The following NTM variants were observed in gnomAD, a reference collection of about 807,000 sequenced individuals.
NTM encodes the protein IgLON family member 2.
NTM carries 13 observed loss-of-function variants against 42.1 expected under a neutral mutation model. The ratio of observed to expected loss-of-function variants is 0.31; its 90% CI spans 0.20 to 0.49. The LOEUF is 0.49. Among genes scored for constraint, NTM ranks in the 20% least tolerant of loss-of-function variants. The pLI is 0.99. For missense variants in NTM, 373 were observed against 452.8 expected, an observed-to-expected ratio of 0.82 and a Z score of 1.60; for synonymous variants, 187 against 179.2, an observed-to-expected ratio of 1.04 and a Z score of -0.35.
intron 1 of NTM, among the ~76,000 whole-genome samples, chr11:131,705,436 C>A (rs922859206): frequency 3.3e-5 from 5 of 152,106 alleles, no homozygotes; most frequent in African/African-American, 1.2e-4. Flanking sequence ...AAGCTGAGGG[C>A]ACTCAACACC....
intron 1 of NTM, among the ~76,000 whole-genome samples, chr11:131,817,428 A>G (rs1592061581): frequency 6.6e-6 from 1 of 152,250 alleles, no homozygotes; most frequent in East Asian, 1.9e-4. Flanking sequence ...TTTTTTAAGC[A>G]AACACTTGAC....
intron 1 of NTM, among the ~76,000 whole-genome samples, chr11:131,793,055 T>G (rs1027603611): frequency 2.6e-5 from 4 of 152,222 alleles, no homozygotes; most frequent in Non-Finnish European, 5.9e-5. Flanking sequence ...GAACCGCTCC[T>G]TAGCGAGAAT....
rs144165122 is a variant in NTM, at chr11:132,090,283, C to G, written c.168-55999C>G. 6.5e-3 allele frequency among the ~76,000 whole-genome samples: 996 copies of G among 152,286 alleles called. 15 individuals are homozygous for G. The highest frequency in any genetic ancestry group is 0.023 in the African/African-American group (939 of 41,554). On this transcript the variant is annotated intron_variant, in intron 2 of 8. Transcript: ENST00000683400. ...TGCAAGTCACCTTCTTATACCTTGTCTCCTTGGCCCTTCACACCTTCCCTA... is the reference window on the plus strand; with the variant it reads ...TGCAAGTCACCTTCTTATACCTTGTGTCCTTGGCCCTTCACACCTTCCCTA...
chr11:132,028,827 C>T (rs187179899), intron 2 of NTM, among the ~76,000 whole-genome samples: 3 of 152,112 alleles, frequency 2.0e-5, no homozygotes, highest in African/African-American at 7.2e-5. Context: ...CCTTTGCTCT[C>T]CCCCTGCTGG....
At chr11:131,989,702 C>A (rs1392829227) in intron 2 of NTM, among the ~76,000 whole-genome samples, 2 of 143,598 alleles carry the variant, frequency 1.4e-5, no homozygotes, top group African/African-American at 5.3e-5. Context: ...TATACACATG[C>A]ATATTTAGAT....
At chr11:131,737,633 C>T (rs975744961) in intron 1 of NTM, among the ~76,000 whole-genome samples, 7 of 152,118 alleles carry the variant, frequency 4.6e-5, no homozygotes, top group Non-Finnish European at 8.8e-5. Flanking sequence ...TTGCAATGTC[C>T]GTGCTCTCTG....
intron 4 of NTM, among the ~76,000 whole-genome samples, chr11:132,276,070 C>T (rs1474360028): frequency 1.3e-5 from 2 of 151,592 alleles, no homozygotes; most frequent in African/African-American, 4.8e-5. Context: ...TTTTTAGATT[C>T]TACATATATG....
At chr11:131,733,624 C>A (rs2080018895) in intron 1 of NTM, among the ~76,000 whole-genome samples, 1 of 152,040 alleles carries the variant, frequency 6.6e-6, no homozygotes, top group Admixed American at 6.6e-5. Context: ...CAACCTCTGC[C>A]TACCAGGTTC....
At chr11:131,761,756 C>T (rs975484851) in intron 1 of NTM, among the ~76,000 whole-genome samples, 8 of 151,774 alleles carry the variant, frequency 5.3e-5, no homozygotes, top group Admixed American at 2.6e-4. Flanking sequence ...TTGTGGTGAG[C>T]AGAGATAGCG....
intron 1 of NTM, among the ~76,000 whole-genome samples, chr11:131,856,931 G>T (rs2046162562): frequency 6.6e-6 from 1 of 152,152 alleles, no homozygotes; most frequent in Non-Finnish European, 1.5e-5. Context: ...CTGGCAGCCA[G>T]GTATACATTT....
intron 1 of NTM, among the ~76,000 whole-genome samples, chr11:131,592,509 A>G (rs1157455168): frequency 7.3e-6 from 1 of 136,564 alleles, no homozygotes; most frequent in Admixed American, 8.2e-5. Context: ...AAAGCTTGGC[A>G]TATAATAGGT....
intron 2 of NTM, among the ~76,000 whole-genome samples, chr11:132,117,990 C>T (rs747126377): frequency 6.6e-6 from 1 of 152,198 alleles, no homozygotes; most frequent in African/African-American, 2.4e-5. Context: ...CCAATGACTC[C>T]GCGCTAACTT....
chr11:131,882,356 T>C (rs2049673610), intron 1 of NTM, among the ~76,000 whole-genome samples: 1 of 152,210 alleles, frequency 6.6e-6, no homozygotes, highest in African/African-American at 2.4e-5. Context: ...CAAGGCAGGT[T>C]AGTCATTTTC....
chr11:132,088,450 G>A (rs1019376737), intron 2 of NTM, among the ~76,000 whole-genome samples: 2 of 152,080 alleles, frequency 1.3e-5, no homozygotes, highest in South Asian at 4.1e-4. Context: ...GAAAAATTAG[G>A]TACATGGACA....
chr11:131,886,019 C>G (rs2050332709), intron 1 of NTM, among the ~76,000 whole-genome samples: 1 of 151,980 alleles, frequency 6.6e-6, no homozygotes, highest in South Asian at 2.1e-4. Flanking sequence ...GACTCCCTGC[C>G]TTTCCTTCAA....
intron 1 of NTM, among the ~76,000 whole-genome samples, chr11:131,841,636 G>A (rs773404617): frequency 2.0e-5 from 3 of 152,140 alleles, no homozygotes; most frequent in Admixed American, 1.3e-4. Context: ...ACAGAAAATG[G>A]AAATATAGGT....
At chr11:131,511,588 C>A (rs1042199300) in intron 1 of NTM, among the ~76,000 whole-genome samples, 1 of 152,188 alleles carries the variant, frequency 6.6e-6, no homozygotes, top group African/African-American at 2.4e-5. Flanking sequence ...AAAACAGAAA[C>A]CCCGAGGTTA....
intron 2 of NTM, among the ~76,000 whole-genome samples, chr11:132,142,722 G>A (rs374124203): frequency 2.6e-5 from 4 of 152,236 alleles, no homozygotes; most frequent in African/African-American, 4.8e-5. Flanking sequence ...GTTCAGAACC[G>A]CAGCTGGAAC....
chr11:131,619,901 T>A (rs1462162053), intron 1 of NTM, among the ~76,000 whole-genome samples: 2 of 151,600 alleles, frequency 1.3e-5, no homozygotes, highest in African/African-American at 4.9e-5. Flanking sequence ...GCCTCGTGGG[T>A]TCAAGTGATT....
Sources: allele counts gnomAD v4.1 joint callset (sites outside exome capture counted in the v4.1 genomes callset), GRCh38; gene constraint gnomAD v4.1.1; transcripts MANE v1.5; gene names NCBI Gene and HGNC (gene_info 2026-07-23, HGNC 2026-07-21).